Variants in KDM4B observed in about 807,000 individuals in gnomAD.
KDM4B encodes lysine demethylase 4B.
In KDM4B, 32 loss-of-function variants were observed where a neutral mutation model predicts 125.2. That is an observed-to-expected ratio of 0.26 (90% CI 0.19 to 0.34). The LOEUF is 0.34. Ranked by LOEUF, KDM4B falls within the 10% of genes least tolerant of loss-of-function variation. The pLI, the probability that KDM4B is intolerant of heterozygous loss-of-function variation, is 1.00. For synonymous variants in KDM4B, 721 were observed against 677.9 expected (o/e 1.06, Z -0.99); for missense variants, 1,190 against 1,577.7 (o/e 0.75, Z 4.16).
chr19:5,105,684 G>A (rs1259956688), intron 9 of KDM4B, among the ~76,000 whole-genome samples: 3 of 152,192 alleles, frequency 2.0e-5, no homozygotes, highest in Non-Finnish European at 4.4e-5. Flanking sequence ...CGATCCTCCT[G>A]CCTCAGCCTC....
chr19:5,082,242 T>C lies in KDM4B; in HGVS notation c.781-125T>C. The C allele has an allele frequency of 8.6e-7, 1 of 1,165,478 alleles. No homozygotes were observed. The highest frequency in any genetic ancestry group is 1.2e-6 in the Non-Finnish European group (1 of 830,558). The allele number at this position is 1,165,478 out of a possible 1,614,324, so 72.2% of individuals were successfully genotyped here. Reference sequence around the variant, plus strand: ...GCCCCTGGAGCCGCTGGATCACCTTTGACTTTGTGAAACCCCCTTGGCTCA... The same window carrying C: ...GCCCCTGGAGCCGCTGGATCACCTTCGACTTTGTGAAACCCCCTTGGCTCA... On this transcript the variant is annotated intron_variant, in intron 8 of 22. Transcript: ENST00000159111. The surrounding 1 kb of genome is among the most constrained non-coding windows in gnomAD (Gnocchi z 5.4).
chr19:5,058,677 G>C (rs1269957499), intron 6 of KDM4B, among the ~76,000 whole-genome samples: 1 of 152,220 alleles, frequency 6.6e-6, no homozygotes, highest in Non-Finnish European at 1.5e-5. Context: ...CCTGTCTGCG[G>C]CCCCTCGCTC....
chr19:5,019,624 G>T (rs377034912), intron 2 of KDM4B, among the ~76,000 whole-genome samples: 5 of 148,892 alleles, frequency 3.4e-5, no homozygotes, highest in African/African-American at 1.2e-4. Context: ...GTGTGGGGGT[G>T]TTGGTGTACA....
intron 1 of KDM4B, among the ~76,000 whole-genome samples, chr19:4,985,826 C>T (rs912323829): frequency 2.0e-5 from 3 of 152,202 alleles, no homozygotes; most frequent in Non-Finnish European, 4.4e-5. Context: ...GTTCCAGGAG[C>T]GCAGCCTGGG....
intron 14 of KDM4B, among the ~76,000 whole-genome samples, chr19:5,135,088 C>T (rs2039623863): frequency 6.6e-6 from 1 of 152,240 alleles, no homozygotes; most frequent in African/African-American, 2.4e-5. Flanking sequence ...AGCCTGAGCT[C>T]TGTGTCTGGA....
intron 1 of KDM4B, among the ~76,000 whole-genome samples, chr19:4,985,145 GA>G (rs1305919359): frequency 4.6e-5 from 7 of 152,168 alleles, no homozygotes; most frequent in Admixed American, 4.6e-4. Flanking sequence ...CCAACATGGT[GA>G]AACCCCTTCT....
intron 9 of KDM4B, 28 bp from the exon 10 acceptor site, chr19:5,110,587 TGGCGCGA>T (rs1378462724): frequency 1.2e-6 from 2 of 1,609,588 alleles, no homozygotes; most frequent in African/African-American, 2.7e-5. Context: ...CGTCCAGGTG[TGGCGCGA>T]GGGCTCAGAC....
At chr19:5,133,273 G>A (rs948604496) in intron 13 of KDM4B, among the ~76,000 whole-genome samples, 6 of 152,308 alleles carry the variant, frequency 3.9e-5, no homozygotes, top group East Asian at 1.9e-4. Context: ...CCTGCCTTCC[G>A]GGAGAGTGTC....
At chr19:5,132,383 G>C (rs1175038513) in intron 13 of KDM4B, among the ~76,000 whole-genome samples, 1 of 152,184 alleles carries the variant, frequency 6.6e-6, no homozygotes, top group African/African-American at 2.4e-5. Flanking sequence ...GGAGGAGATG[G>C]AATCTTCGAT....
At chr19:5,089,721 A>G (rs920171385) in intron 9 of KDM4B, among the ~76,000 whole-genome samples, 1 of 150,452 alleles carries the variant, frequency 6.6e-6, no homozygotes, top group Admixed American at 6.6e-5. Flanking sequence ...AAACCCACAT[A>G]CTCCTCTTTC....
chr19:5,127,504 C>T (rs574293679), intron 11 of KDM4B, among the ~76,000 whole-genome samples: 13 of 152,300 alleles, frequency 8.5e-5, no homozygotes, highest in Admixed American at 4.6e-4. Context: ...CCAGCAGGTG[C>T]GGGCTATGCG....
At chr19:5,145,715 C>T (rs1423077367) in intron 21 of KDM4B, among the ~76,000 whole-genome samples, 1 of 152,176 alleles carries the variant, frequency 6.6e-6, no homozygotes, top group Non-Finnish European at 1.5e-5. Context: ...TCCCCTGGCT[C>T]GAGGCTCCCG....
At chr19:4,985,496 G>T (rs868817370) in intron 1 of KDM4B, among the ~76,000 whole-genome samples, 1 of 152,244 alleles carries the variant, frequency 6.6e-6, no homozygotes, top group Non-Finnish European at 1.5e-5. Flanking sequence ...GCTCTGTGAG[G>T]CTGGGATTCC....
chr19:5,150,389 T>C lies in KDM4B; in HGVS notation c.3053T>C (p.Val1018Ala). 1 of 1,551,228 alleles carries C rather than the reference T, an allele frequency of 6.4e-7. No homozygotes were observed. The highest frequency in any genetic ancestry group is 8.7e-7 in the Non-Finnish European group (1 of 1,146,898). ...TTTGAGGACGGGTCCCAGCTGACGG[T>C]GAAGCGTGGGGACATCTTCACCCTG... ...VEFEDGSQLT[V>A]KRGDIFTLEE... The change falls in exon 22 of 23, where the codon GTG becomes GCG. Residue 1018 changes from valine (V) to alanine (A), a missense_variant. Val to Ala is a moderately conservative substitution (Grantham distance 64). This residue lies in a region of KDM4B where 298 missense variants were observed against 439.7 expected (regional missense o/e 0.68). Transcript: ENST00000159111.
chr19:5,026,106 C>T (rs2036269848), intron 2 of KDM4B, among the ~76,000 whole-genome samples: 2 of 151,216 alleles, frequency 1.3e-5, no homozygotes, highest in South Asian at 4.2e-4. Flanking sequence ...TCTTGAGCCC[C>T]GAATAAAGAA....
chr19:4,981,613 C>A (rs197159), intron 1 of KDM4B, among the ~76,000 whole-genome samples: 7 of 152,126 alleles, frequency 4.6e-5, no homozygotes, highest in Admixed American at 6.5e-5. Context: ...GAGCCCCCCC[C>A]ACCACGCCGG....
chr19:5,102,954 C>T (rs915782520), intron 9 of KDM4B, among the ~76,000 whole-genome samples: 1 of 152,210 alleles, frequency 6.6e-6, no homozygotes, highest in Non-Finnish European at 1.5e-5. Context: ...ACTTTAAAGC[C>T]CTGGAGAGTG....
At chr19:5,122,023 G>A (rs970790464) in intron 11 of KDM4B, among the ~76,000 whole-genome samples, 2 of 152,142 alleles carry the variant, frequency 1.3e-5, no homozygotes, top group African/African-American at 2.4e-5. Flanking sequence ...CCCTGGGGCC[G>A]CTGAAATGAA....
At position 5,131,380 on chromosome 19, in the gene KDM4B, C is replaced by T; in HGVS notation, c.1620C>T (p.Phe540=). The T allele has an allele frequency of 1.2e-6, 2 of 1,611,860 alleles. No homozygotes were observed. Among genetic ancestry groups the T allele is most frequent in the Admixed American group, 1.7e-5 (1 of 59,934 alleles). The change falls in exon 12 of 23, where the codon TTC becomes TTT. Residue 540 remains phenylalanine, a synonymous_variant. Coordinates refer to ENST00000159111, the MANE Select transcript of KDM4B (RefSeq NM_015015.3). ...TGCCGCGGCCGGGCAAGGCAGCCTT[C>T]AACCAGGAGCACGTGTCCTGCCAGC... The part of the protein sequence containing the change: ...YVVPRPGKAA[F]NQEHVSCQQA...
Sources: allele counts gnomAD v4.1 joint callset (sites outside exome capture counted in the v4.1 genomes callset), GRCh38; gene constraint gnomAD v4.1.1; regional missense constraint gnomAD v4.1.1; non-coding constraint Gnocchi (gnomAD v3.1); transcripts MANE v1.5; gene names NCBI Gene and HGNC (gene_info 2026-07-23, HGNC 2026-07-21).